EPM2A: variants seen among roughly 807,000 people sequenced by gnomAD.
The protein encoded by EPM2A is EPM2A glucan phosphatase, laforin, also known as laforin.
In EPM2A, 21 loss-of-function variants were observed where a neutral mutation model predicts 26.5. That is an observed-to-expected ratio of 0.79 (90% CI 0.56 to 1.14). EPM2A has a LOEUF of 1.14. Ranked by LOEUF, EPM2A falls within the 50% of genes most tolerant of loss-of-function variation. EPM2A has a pLI of 0.00. For synonymous variants in EPM2A, 217 were observed against 177.6 expected (o/e 1.22, Z -1.76); for missense variants, 458 against 440.8 (o/e 1.04, Z -0.35).
intron 4 of EPM2A, among the ~76,000 whole-genome samples, chr6:145,444,660 A>G (rs1458056134): frequency 6.6e-6 from 1 of 152,168 alleles, no homozygotes; most frequent in East Asian, 1.9e-4. Context: ...TTTTTTTCCA[A>G]AAAGTCCAAT....
At chr6:145,542,596 G>A (rs1381679176) in intron 2 of EPM2A, among the ~76,000 whole-genome samples, 1 of 152,228 alleles carries the variant, frequency 6.6e-6, no homozygotes, top group Non-Finnish European at 1.5e-5. Flanking sequence ...AAGCCAATTA[G>A]AGCATATTCA....
Position 145,475,435 on chromosome 6 carries a change from G to A in EPM2A, c.555+27087C>T, listed in dbSNP as rs1779530173. Reference sequence around the variant, plus strand: ...CAATGAGAACACATGGACACATGGAGGACAACATCACACACTGGGGCCTGT... The same window carrying A: ...CAATGAGAACACATGGACACATGGAAGACAACATCACACACTGGGGCCTGT... On this transcript the variant is annotated intron_variant, in intron 4 of 4. Coordinates refer to the EPM2A transcript ENST00000638717. 2.6e-5 allele frequency among the ~76,000 whole-genome samples: 4 copies of A among 152,188 alleles called. No individual in the cohort carries two copies. In the South Asian group the frequency reaches 8.3e-4, roughly 32 times the overall value.
chr6:145,521,810 T>G (rs190566320), intron 2 of EPM2A, among the ~76,000 whole-genome samples: 12 of 152,240 alleles, frequency 7.9e-5, no homozygotes, highest in African/African-American at 2.4e-4. Flanking sequence ...TTGCAGGGAT[T>G]GGATGTATTG....
intron 4 of EPM2A, among the ~76,000 whole-genome samples, chr6:145,481,641 C>A (rs1226418336): frequency 6.6e-6 from 1 of 152,108 alleles, no homozygotes; most frequent in Non-Finnish European, 1.5e-5. Context: ...AGGAGAGACC[C>A]TGACCCAGAA....
intron 2 of EPM2A, among the ~76,000 whole-genome samples, chr6:145,583,485 C>T (rs1781143715): frequency 6.6e-6 from 1 of 152,046 alleles, no homozygotes; most frequent in African/African-American, 2.4e-5. Flanking sequence ...GTAGTAGGTG[C>T]CTGGCTTTGT....
At chr6:145,567,684 C>T (rs768299904) in intron 2 of EPM2A, among the ~76,000 whole-genome samples, 3 of 152,196 alleles carry the variant, frequency 2.0e-5, no homozygotes, top group Non-Finnish European at 4.4e-5. Context: ...TTTCCCCAAC[C>T]AAGCACACTG....
At position 145,506,117 on chromosome 6, in the gene EPM2A, C is replaced by G. The variant is rs12664694; in HGVS notation, c.341-3542G>C. Among the ~76,000 whole-genome samples, 29 of 152,326 alleles carry G rather than the reference C, an allele frequency of 1.9e-4. No individual in the cohort carries two copies. The East Asian group carries it at 4.6e-3, about 24-fold the overall frequency. ...TCAAGAAATGATGGAAAAAAAGAGA[C>G]AGCCCCTGTGTCAAAGGACTTCACA... On this transcript the variant is annotated intron_variant, in intron 2 of 3. Coordinates refer to the EPM2A transcript ENST00000450221.
intron 1 of EPM2A, among the ~76,000 whole-genome samples, chr6:145,734,273 C>T (rs555371044): frequency 6.6e-6 from 1 of 152,100 alleles, no homozygotes; most frequent in South Asian, 2.1e-4. Flanking sequence ...TACATATCTA[C>T]GTGTAGTGAC....
chr6:145,498,989 T>C (rs1218950248), downstream of EPM2A, among the ~76,000 whole-genome samples: 1 of 152,234 alleles, frequency 6.6e-6, no homozygotes, highest in Non-Finnish European at 1.5e-5. Context: ...CTCCAATCTT[T>C]TCTTAGACAG....
At chr6:145,525,802 G>T (rs1780263298) in intron 2 of EPM2A, among the ~76,000 whole-genome samples, 1 of 151,962 alleles carries the variant, frequency 6.6e-6, no homozygotes, top group Non-Finnish European at 1.5e-5. Context: ...TTGCCTGATT[G>T]CTCTGGCTAT....
intron 1 of EPM2A, among the ~76,000 whole-genome samples, chr6:145,696,742 G>A (rs1781592018): frequency 1.3e-5 from 2 of 149,054 alleles, no homozygotes; most frequent in Admixed American, 1.3e-4. Context: ...TATGATCCTA[G>A]TAATGAATCA....
rs1385551213 is a variant in EPM2A, at chr6:145,466,160, C to T, written c.555+36362G>A. On this transcript the variant is annotated intron_variant, in intron 4 of 4. Transcript: ENST00000638717. Reference sequence around the variant, plus strand: ...AATGGGATCTAATTAAACTCAAGAGCTTCTGCATAGCAAAAAAAAAAAACT... The same window carrying T: ...AATGGGATCTAATTAAACTCAAGAGTTTCTGCATAGCAAAAAAAAAAAACT... 1.2e-4 allele frequency among the ~76,000 whole-genome samples: 14 copies of T among 118,320 alleles called. No homozygotes were observed. In the Admixed American group the frequency reaches 1.2e-3, roughly 11 times the overall value. 77.6% of individuals were successfully genotyped at this position (118,320 alleles called of 152,430 possible). A position where few individuals can be genotyped will look rare whatever the true frequency, so the allele number is the denominator to read the frequency against.
rs112469600 is a variant in EPM2A, at chr6:145,443,701, T to G, written c.555+58821A>C. ...AACAGGGTGATATGGTTTGGCTCTG[T>G]GTCCCTACCCAAATCTCACCTTGTA... On this transcript the variant is annotated intron_variant, in intron 4 of 4. Transcript: ENST00000638717. Among the ~76,000 whole-genome samples the G allele has an allele frequency of 1.4e-3, 217 of 152,302 alleles. 2 individuals carry two copies. The Middle Eastern group carries it at 0.031, about 21-fold the overall frequency.
intron 4 of EPM2A, among the ~76,000 whole-genome samples, chr6:145,456,114 A>G (rs1050689968): frequency 6.6e-6 from 1 of 152,220 alleles, no homozygotes; most frequent in African/African-American, 2.4e-5. Context: ...AGGGGGATGC[A>G]TGGTGAGTTA....
chr6:145,489,747 G>A, intron 4 of EPM2A: 1 of 1,456,928 alleles, frequency 6.9e-7, no homozygotes, highest in Non-Finnish European at 9.6e-7. Context: ...GGCAGCCTCA[G>A]CAGCATCTGC....
chr6:145,491,250 G>A, intron 4 of EPM2A: 1 of 368,666 alleles, frequency 2.7e-6, no homozygotes, highest in Non-Finnish European at 5.2e-6. Flanking sequence ...GGGCTAGCCG[G>A]CCACTTCGGC....
intron 4 of EPM2A, among the ~76,000 whole-genome samples, chr6:145,414,754 C>T (rs1778685801): frequency 1.3e-5 from 2 of 152,102 alleles, no homozygotes; most frequent in African/African-American, 2.4e-5. Flanking sequence ...CACTTTCCTC[C>T]TCAACCCTGA....
chr6:145,479,069 T>A (rs1260728208), intron 4 of EPM2A, among the ~76,000 whole-genome samples: 1 of 151,420 alleles, frequency 6.6e-6, no homozygotes, highest in Non-Finnish European at 1.5e-5. Flanking sequence ...CACTTAAGTT[T>A]TTGTCTTTAC....
intron 4 of EPM2A, among the ~76,000 whole-genome samples, chr6:145,452,366 T>C (rs1779205917): frequency 6.6e-6 from 1 of 151,836 alleles, no homozygotes; most frequent in South Asian, 2.1e-4. Context: ...TGCTTCTGTC[T>C]AAATTTCAGA....
Sources: gnomAD v4.1 joint callset for allele counts (sites outside exome capture counted in the v4.1 genomes callset) on GRCh38, gnomAD v4.1.1 for gene constraint, MANE v1.5 for transcripts, NCBI Gene and HGNC (gene_info 2026-07-23, HGNC 2026-07-21) for gene names.